The following FNDC7 variants were observed in gnomAD, a reference collection of about 807,000 sequenced individuals.
FNDC7 encodes fibronectin type III domain-containing protein 7.
Under a neutral mutation model 74.2 loss-of-function variants are expected in FNDC7, and 66 were observed. The observed-to-expected ratio is 0.89, with a 90% CI of 0.73 to 1.09. The LOEUF is 1.09. FNDC7 is among the 50% of genes least tolerant of loss of function. The pLI is 0.00. For synonymous variants in FNDC7, 307 were observed against 330.2 expected (o/e 0.93, Z 0.76); for missense variants, 829 against 893.4 (o/e 0.93, Z 0.92).
chr1:108,740,127 C>G (rs188522535), intron 11 of FNDC7, among the ~76,000 whole-genome samples: 2 of 151,186 alleles, frequency 1.3e-5, no homozygotes, highest in Admixed American at 6.6e-5. Flanking sequence ...GTCATTATAT[C>G]TAGGGGGAAA....
intron 10 of FNDC7, among the ~76,000 whole-genome samples, chr1:108,737,280 A>G (rs1372223756): frequency 2.0e-5 from 3 of 152,108 alleles, no homozygotes; most frequent in African/African-American, 7.2e-5. Flanking sequence ...TGAGCTTGGT[A>G]TGCTTATTCT....
At chr1:108,737,293 C>G (rs1374454933) in intron 10 of FNDC7, among the ~76,000 whole-genome samples, 1 of 152,108 alleles carries the variant, frequency 6.6e-6, no homozygotes, top group East Asian at 1.9e-4. Context: ...CTTATTCTTA[C>G]TGCTTTTCAG....
At chr1:108,730,239 T>C (rs914268172) in intron 8 of FNDC7, among the ~76,000 whole-genome samples, 3 of 151,856 alleles carry the variant, frequency 2.0e-5, no homozygotes, top group Non-Finnish European at 2.9e-5. Flanking sequence ...TAGCTGGGCA[T>C]GGTGGCACGC....
At chr1:108,735,691 A>G (rs1185025058) in intron 10 of FNDC7, among the ~76,000 whole-genome samples, 2 of 152,184 alleles carry the variant, frequency 1.3e-5, no homozygotes, top group Admixed American at 1.3e-4. Context: ...CTGTCTTTGA[A>G]ATCTGGTGTG....
chr1:108,721,495 C>A (rs1353641294), intron 4 of FNDC7, among the ~76,000 whole-genome samples: 1 of 152,056 alleles, frequency 6.6e-6, no homozygotes, highest in Admixed American at 6.6e-5. Flanking sequence ...AGAGGCCTTC[C>A]CTGTTTGTCC....
At chr1:108,713,082 T>A (rs1660905992) in intron 1 of FNDC7, 86 bp downstream of exon 1, 3 of 1,222,040 alleles carry the variant, frequency 2.5e-6, no homozygotes, top group Non-Finnish European at 3.5e-6. Flanking sequence ...TTTTGAGGAG[T>A]TGGGGAATAG....
chr1:108,714,029 G>A (rs1172944948), intron 2 of FNDC7, among the ~76,000 whole-genome samples: 1 of 152,164 alleles, frequency 6.6e-6, no homozygotes, highest in African/African-American at 2.4e-5. Flanking sequence ...AGGGCTGAAA[G>A]GGGACCCTCT....
At chr1:108,727,773 T>A (rs1661249724) in intron 6 of FNDC7, 35 bp from the exon 7 acceptor site, 1 of 1,609,566 alleles carries the variant, frequency 6.2e-7, no homozygotes, top group Non-Finnish European at 8.5e-7. Context: ...TTGCTCTTGA[T>A]GGGACCGCCA....
intron 11 of FNDC7, among the ~76,000 whole-genome samples, chr1:108,740,375 T>G (rs1661613973): frequency 7.3e-6 from 1 of 136,292 alleles, no homozygotes; most frequent in South Asian, 2.3e-4. Context: ...TCATCCAGGC[T>G]GGAGTGCAGT....
intron 2 of FNDC7, among the ~76,000 whole-genome samples, chr1:108,715,054 C>T (rs1660945225): frequency 6.6e-6 from 1 of 152,146 alleles, no homozygotes; most frequent in Admixed American, 6.5e-5. Flanking sequence ...GGCTAAGCTA[C>T]TGATGCTGCT....
chr1:108,737,477 C>T lies in FNDC7; in HGVS notation c.2141-18C>T, dbSNP rs768928789. ...AAATGAATAGATTTTATTTTAAATG[C>T]TTGTGTTTTTATTACAGTAACTTGC... On this transcript the variant is annotated intron_variant, in intron 10 of 12. Coordinates refer to ENST00000370017, the MANE Select transcript of FNDC7 (RefSeq NM_001144937.3). 9 of 1,561,796 alleles carry T rather than the reference C, an allele frequency of 5.8e-6. No individual in the cohort carries two copies. In the South Asian group the frequency reaches 5.9e-5, roughly 10 times the overall value.
chr1:108,721,188 G>C (rs973527427), intron 4 of FNDC7, among the ~76,000 whole-genome samples: 4 of 151,856 alleles, frequency 2.6e-5, no homozygotes, highest in African/African-American at 9.7e-5. Context: ...AGGCCTTCCC[G>C]GCCGGGCACG....
At chr1:108,726,597 G>T (rs538663042) in intron 6 of FNDC7, among the ~76,000 whole-genome samples, 1 of 152,286 alleles carries the variant, frequency 6.6e-6, no homozygotes, top group South Asian at 2.1e-4. Context: ...TAGCATCACC[G>T]TTGCTGTTGC....
In FNDC7 at chr1:108,728,677, C is replaced by T. The variant is rs1312834286; in HGVS notation, c.1415C>T (p.Ser472Phe). The T allele has an allele frequency of 6.2e-7, 1 of 1,614,150 alleles. No homozygotes were observed. The highest frequency in any genetic ancestry group is 2.2e-5 in the East Asian group (1 of 44,898). ...EIKNVSRDAF[S>F]MINVHWRSTN... ...AAAAATGTTTCAAGGGATGCATTCT[C>T]CATGATTAATGTGCACTGGCGATCC... is the stretch of plus-strand genomic sequence containing the variant. The change falls in exon 8 of 13, where the codon TCC becomes TTC. Residue 472 changes from serine (S) to phenylalanine (F), a missense_variant. By Grantham distance (155) the Ser-to-Phe change is radical (BLOSUM62 -2). Coordinates refer to ENST00000370017, the MANE Select transcript of FNDC7 (RefSeq NM_001144937.3).
At chr1:108,730,236 G>A (rs1661312018) in intron 8 of FNDC7, among the ~76,000 whole-genome samples, 1 of 152,032 alleles carries the variant, frequency 6.6e-6, no homozygotes, top group Admixed American at 6.6e-5. Flanking sequence ...AATTAGCTGG[G>A]CATGGTGGCA....
In FNDC7 at chr1:108,717,314, G is replaced by A. The variant is rs557464967; in HGVS notation, c.83-463G>A. 2.0e-5 allele frequency among the ~76,000 whole-genome samples: 3 copies of A among 152,296 alleles called. No individual in the cohort carries two copies. In the South Asian group the frequency reaches 6.2e-4, roughly 32 times the overall value. On this transcript the variant is annotated intron_variant, in intron 2 of 12. Coordinates refer to ENST00000370017, the MANE Select transcript of FNDC7 (RefSeq NM_001144937.3). ...CCGCAGCCACTGAGCGGAGGCAGGA[G>A]GAATGGAGATGGGTCCAGCTGGAGG...
chr1:108,720,421 A>G (rs1661069873), intron 4 of FNDC7, among the ~76,000 whole-genome samples: 1 of 152,228 alleles, frequency 6.6e-6, no homozygotes, highest in African/African-American at 2.4e-5. Context: ...CATCTTCATC[A>G]GGCTGGGGCA....
chr1:108,718,716 T>C, intron 3 of FNDC7, 73 bp from the exon 4 acceptor site: 1 of 1,465,280 alleles, frequency 6.8e-7, no homozygotes. Context: ...GATATCAATT[T>C]ACTTGCTTCT....
intron 11 of FNDC7, among the ~76,000 whole-genome samples, chr1:108,738,550 C>A (rs764036606): frequency 4.1e-5 from 6 of 147,144 alleles, no homozygotes; most frequent in African/African-American, 2.5e-5. Flanking sequence ...CCCCACCCCA[C>A]CCCTCCCCAT....
Sources: allele counts gnomAD v4.1 joint callset (sites outside exome capture counted in the v4.1 genomes callset), GRCh38; gene constraint gnomAD v4.1.1; transcripts MANE v1.5; gene names NCBI Gene and HGNC (gene_info 2026-07-23, HGNC 2026-07-21).